The following RYR2 variants were observed in gnomAD, a reference collection of about 807,000 sequenced individuals.
RYR2 encodes ryanodine receptor 2, also known as cardiac muscle ryanodine receptor-calcium release channel.
RYR2 carries 227 observed loss-of-function variants against 601.1 expected under a neutral mutation model. That is an observed-to-expected ratio of 0.38 (90% CI 0.34 to 0.42). The LOEUF (loss-of-function observed/expected upper bound fraction) is 0.42. Ranked by LOEUF, RYR2 falls within the 10% of genes least tolerant of loss-of-function variation. The pLI is 1.00. For missense variants in RYR2, 4,646 were observed against 6,156.5 expected (o/e 0.75, Z 8.21); for synonymous variants, 2,223 against 2,175.1 (o/e 1.02, Z -0.61).
At chr1:237,662,533 T>G (rs533128584) in intron 56 of RYR2, among the ~76,000 whole-genome samples, 1 of 151,998 alleles carries the variant, frequency 6.6e-6, no homozygotes, top group East Asian at 1.9e-4. Flanking sequence ...AAATAAGAAA[T>G]TACTACAAAT....
intron 1 of RYR2, among the ~76,000 whole-genome samples, chr1:237,071,229 G>GTT (rs913460924): frequency 6.9e-6 from 1 of 145,454 alleles, no homozygotes. Context: ...TTTGATTTTT[G>GTT]TTTTTTTTTT....
chr1:237,270,024 G>T (rs1046963314), intron 1 of RYR2, among the ~76,000 whole-genome samples: 6 of 152,212 alleles, frequency 3.9e-5, no homozygotes, highest in Non-Finnish European at 7.3e-5. Flanking sequence ...TCACTTTGAA[G>T]TGAGAAAGTT....
intron 68 of RYR2, among the ~76,000 whole-genome samples, 155 bp from the exon 69 acceptor site, chr1:237,708,703 T>TG (rs1231317841): frequency 6.6e-6 from 1 of 152,212 alleles, no homozygotes; most frequent in Non-Finnish European, 1.5e-5. Context: ...AATTAGAACT[T>TG]GGACTAGAAA....
At chr1:237,738,308 T>C (rs1283241619) in intron 79 of RYR2, among the ~76,000 whole-genome samples, 1 of 152,218 alleles carries the variant, frequency 6.6e-6, no homozygotes, top group African/African-American at 2.4e-5. Context: ...ACACAGTCAC[T>C]GTTAGTCCAC....
At chr1:237,607,894 A>G (rs1677321195) in intron 35 of RYR2, among the ~76,000 whole-genome samples, 1 of 152,196 alleles carries the variant, frequency 6.6e-6, no homozygotes, top group African/African-American at 2.4e-5. Flanking sequence ...AATGGGGTTC[A>G]CAGTATCCGT....
intron 24 of RYR2, among the ~76,000 whole-genome samples, chr1:237,528,090 T>C (rs2247192): frequency 0.53 from 80,192 of 151,874 alleles, 21,318 homozygotes; most frequent in East Asian, 0.6. Flanking sequence ...ATGGCCCCAA[T>C]GCACAAAATT....
Position 237,062,801 on chromosome 1 carries a change from A to G in RYR2, c.48+20232A>G, listed in dbSNP as rs143147134. ...TTCCCTCAGTTTCAGGGAAAACTTA[A>G]GAGAATTTCATCAAGGATTTTATGA... On this transcript the variant is annotated intron_variant, in intron 1 of 104. Coordinates refer to ENST00000366574, the MANE Select transcript of RYR2 (RefSeq NM_001035.3). Among the ~76,000 whole-genome samples the G allele has an allele frequency of 2.8e-3, 430 of 152,286 alleles. 1 individual carries two copies. Among genetic ancestry groups the G allele is most frequent in the African/African-American group, 9.6e-3 (400 of 41,558 alleles).
At chr1:237,626,541 A>T (rs1679668839) in intron 40 of RYR2, among the ~76,000 whole-genome samples, 1 of 139,418 alleles carries the variant, frequency 7.2e-6, no homozygotes, top group African/African-American at 2.6e-5. Context: ...TTAAAATCAG[A>T]GTTCAGTGTT....
rs183260257 is a variant in RYR2 at position 237,055,725 on chromosome 1, G to T, written c.48+13156G>T. On this transcript the variant is annotated intron_variant, in intron 1 of 104. Transcript: ENST00000366574. ...GGACTGAATTATGGCTCCCTAAAAA[G>T]TATGTTGACATCCTAATCCCCAGGA... 3.5e-3 allele frequency among the ~76,000 whole-genome samples: 531 copies of T among 152,284 alleles called. 4 individuals are homozygous for T. Among genetic ancestry groups the T allele is most frequent in the Middle Eastern group, 0.034 (10 of 294 alleles).
At chr1:237,484,757 AAAGTCT>A (rs1361489186) in intron 17 of RYR2, among the ~76,000 whole-genome samples, 6 of 152,200 alleles carry the variant, frequency 3.9e-5, no homozygotes, top group African/African-American at 1.2e-4. Context: ...TCAAGTAACA[AAAGTCT>A]AAGTCTATCA....
At chr1:237,685,229 ATAAT>A (rs1230475068) in intron 62 of RYR2, among the ~76,000 whole-genome samples, 1 of 152,222 alleles carries the variant, frequency 6.6e-6, no homozygotes, top group African/African-American at 2.4e-5. Context: ...AAAGCTTATA[ATAAT>A]TAATCCTTAT....
At chr1:237,238,185 G>A (rs573558093) in intron 1 of RYR2, among the ~76,000 whole-genome samples, 3 of 151,980 alleles carry the variant, frequency 2.0e-5, no homozygotes, top group South Asian at 4.2e-4. Flanking sequence ...GCCCAGGCTG[G>A]TCTTGAACTC....
chr1:237,268,131 A>G (rs901170538), intron 1 of RYR2, among the ~76,000 whole-genome samples: 2 of 152,164 alleles, frequency 1.3e-5, no homozygotes, highest in African/African-American at 4.8e-5. Context: ...GTCTTCTCTT[A>G]TTCTCATTCC....
chr1:237,290,775 G>A (rs956821681), intron 2 of RYR2, among the ~76,000 whole-genome samples: 1 of 152,120 alleles, frequency 6.6e-6, no homozygotes, highest in African/African-American at 2.4e-5. Context: ...AAATTATAAA[G>A]ATTTCCTAGC....
At chr1:237,341,259 C>A (rs1277016370) in intron 3 of RYR2, among the ~76,000 whole-genome samples, 2 of 152,050 alleles carry the variant, frequency 1.3e-5, no homozygotes, top group East Asian at 3.8e-4. Flanking sequence ...AATGACATGG[C>A]ATATTTCTGA....
chr1:237,043,586 C>T (rs996911756), intron 1 of RYR2, among the ~76,000 whole-genome samples: 1 of 152,150 alleles, frequency 6.6e-6, no homozygotes, highest in Non-Finnish European at 1.5e-5. Flanking sequence ...AGAAAATGCC[C>T]TAACTTCCTG....
At position 237,106,305 on chromosome 1, in the gene RYR2, C is replaced by G. The variant is rs1053092275; in HGVS notation, c.48+63736C>G. ...CAGCTCCCGCTGGGCTGCAGACAGG[C>G]TCTGATGTGGCTTGCAGCACGGTGG... On this transcript the variant is annotated intron_variant, in intron 1 of 104. Coordinates refer to ENST00000366574, the MANE Select transcript of RYR2 (RefSeq NM_001035.3). The surrounding 1 kb of genome is among the most constrained non-coding windows in gnomAD (Gnocchi z 4.4). 2.6e-5 allele frequency among the ~76,000 whole-genome samples: 4 copies of G among 152,174 alleles called. No homozygotes were observed. The highest frequency in any genetic ancestry group is 4.8e-5 in the African/African-American group (2 of 41,438).
chr1:237,095,262 G>A (rs1667394943), intron 1 of RYR2, among the ~76,000 whole-genome samples: 1 of 152,146 alleles, frequency 6.6e-6, no homozygotes, highest in African/African-American at 2.4e-5. Flanking sequence ...CTTGGATGAT[G>A]TAATCTAGGG....
At chr1:237,613,216 T>C (rs1222298508) in intron 36 of RYR2, among the ~76,000 whole-genome samples, 1 of 152,276 alleles carries the variant, frequency 6.6e-6, no homozygotes, top group East Asian at 1.9e-4. Flanking sequence ...TGTCAGTGTG[T>C]ACTTTGTTTC....
Sources: gnomAD v4.1 joint callset for allele counts (sites outside exome capture counted in the v4.1 genomes callset) on GRCh38, gnomAD v4.1.1 for gene constraint, Gnocchi (gnomAD v3.1) non-coding constraint, MANE v1.5 for transcripts, NCBI Gene and HGNC (gene_info 2026-07-23, HGNC 2026-07-21) for gene names.